Variants in VEPH1 observed in about 807,000 individuals in gnomAD.
VEPH1 encodes ventricular zone-expressed PH domain-containing protein homolog 1.
In VEPH1, 80 loss-of-function variants were observed where a neutral mutation model predicts 85.2. That is an observed-to-expected ratio of 0.94 (90% CI 0.78 to 1.13). The LOEUF (loss-of-function observed/expected upper bound fraction) is 1.13, where lower values mean the gene tolerates loss of function less well. Among genes scored for constraint, VEPH1 ranks in the 50% most tolerant of loss-of-function variants. VEPH1 has a pLI of 0.00. For missense variants in VEPH1, 955 were observed against 980.5 expected, an observed-to-expected ratio of 0.97 and a Z score of 0.35; for synonymous variants, 297 against 348.0, an observed-to-expected ratio of 0.85 and a Z score of 1.63.
intron 12 of VEPH1, 23 bp downstream of exon 12, chr3:157,286,534 A>C (rs4680353): frequency 0.5 from 789,961 of 1,591,938 alleles, 200,780 homozygotes; most frequent in Admixed American, 0.62. Context: ...AATGGTTCTT[A>C]GCAGCAGGTA....
rs140140419 is a variant in VEPH1 at position 157,448,689 on chromosome 3, C to T, written c.529+11492G>A. Among the ~76,000 whole-genome samples, 328 of 152,268 alleles carry T rather than the reference C, an allele frequency of 2.2e-3. 2 individuals carry two copies. The highest frequency in any genetic ancestry group is 6.8e-3 in the Middle Eastern group (2 of 294). ...CAAAGAACAAGTTTGGAGACTTATT[C>T]GGGAGCACTGGAAAACAACTTTCTT... On this transcript the variant is annotated intron_variant, in intron 4 of 13. Coordinates refer to ENST00000362010, the MANE Select transcript of VEPH1 (RefSeq NM_001167912.2).
intron 6 of VEPH1, among the ~76,000 whole-genome samples, chr3:157,399,203 A>G (rs1428433004): frequency 2.6e-5 from 4 of 152,220 alleles, no homozygotes; most frequent in Admixed American, 2.0e-4. Context: ...TTGAGAATTG[A>G]TAATGGTTGG....
At chr3:157,334,698 C>T (rs1412438507) in intron 9 of VEPH1, among the ~76,000 whole-genome samples, 1 of 152,088 alleles carries the variant, frequency 6.6e-6, no homozygotes, top group Non-Finnish European at 1.5e-5. Context: ...AAGAGCAATC[C>T]ATGATCAAGT....
chr3:157,454,457 T>G (rs1045125533), intron 4 of VEPH1, among the ~76,000 whole-genome samples: 2 of 152,184 alleles, frequency 1.3e-5, no homozygotes, highest in African/African-American at 4.8e-5. Flanking sequence ...ACAATGAGCT[T>G]AAGTTAGGAA....
intron 9 of VEPH1, among the ~76,000 whole-genome samples, chr3:157,337,118 T>C (rs1385431328): frequency 6.6e-6 from 1 of 150,710 alleles, no homozygotes; most frequent in Non-Finnish European, 1.5e-5. Flanking sequence ...TATATTTATA[T>C]ATGTATATAA....
chr3:157,402,249 C>T lies in VEPH1; in HGVS notation c.906+11632G>A, dbSNP rs113453710. On this transcript the variant is annotated intron_variant, in intron 6 of 13. Transcript: ENST00000362010. ...CTGTTGCCCCTCTATCACTCTCTTA[C>T]CCCCTAGCTTTATTTTGTATTTACT... Among the ~76,000 whole-genome samples the T allele has an allele frequency of 7.9e-5, 12 of 152,258 alleles. 1 individual carries two copies. Among genetic ancestry groups the T allele is most frequent in the South Asian group, 4.1e-4 (2 of 4,826 alleles).
intron 9 of VEPH1, among the ~76,000 whole-genome samples, chr3:157,330,739 A>G (rs1559964886): frequency 2.0e-5 from 3 of 152,274 alleles, no homozygotes; most frequent in East Asian, 3.9e-4. Context: ...CTCGCCACCT[A>G]TCAAGAGCAG....
At chr3:157,381,991 A>C (rs1281683308) in intron 6 of VEPH1, among the ~76,000 whole-genome samples, 1 of 152,098 alleles carries the variant, frequency 6.6e-6, no homozygotes, top group Non-Finnish European at 1.5e-5. Flanking sequence ...TCTCACAACT[A>C]TGTGAGCTGC....
Position 157,312,434 on chromosome 3 carries a change from T to C in VEPH1, c.2010+1187A>G, listed in dbSNP as rs1720208040. On this transcript the variant is annotated intron_variant, in intron 11 of 13. Coordinates refer to ENST00000362010, the MANE Select transcript of VEPH1 (RefSeq NM_001167912.2). ...CTAGCTTGTGACTCCCAAATCCATATCTCCAGTCATGGCTTTCTTCCTGAA... is the reference window on the plus strand; with the variant it reads ...CTAGCTTGTGACTCCCAAATCCATACCTCCAGTCATGGCTTTCTTCCTGAA... Among the ~76,000 whole-genome samples the C allele has an allele frequency of 1.3e-5, 2 of 151,924 alleles. 1 individual carries two copies. Among genetic ancestry groups the C allele is most frequent in the African/African-American group, 4.8e-5 (2 of 41,324 alleles).
chr3:157,264,267 G>A (rs925472108), intron 13 of VEPH1, among the ~76,000 whole-genome samples: 7 of 152,204 alleles, frequency 4.6e-5, no homozygotes, highest in African/African-American at 1.7e-4. Context: ...GCCATACCCA[G>A]GTTCTCAGGC....
intron 6 of VEPH1, among the ~76,000 whole-genome samples, chr3:157,405,990 A>G (rs1731111293): frequency 6.6e-6 from 1 of 152,202 alleles, no homozygotes. Context: ...ATTTGAAAGT[A>G]TATTTTGTAT....
intron 9 of VEPH1, among the ~76,000 whole-genome samples, chr3:157,351,174 G>A (rs190386080): frequency 2.0e-5 from 3 of 152,226 alleles, no homozygotes; most frequent in Admixed American, 6.5e-5. Context: ...GGCCAGGTGA[G>A]GTGGCTCATG....
intron 4 of VEPH1, among the ~76,000 whole-genome samples, chr3:157,454,323 G>T (rs12634412): frequency 0.17 from 26,040 of 152,122 alleles, 2,860 homozygotes; most frequent in East Asian, 0.38. Context: ...TCTTTAGAGG[G>T]AAGCACAGGT....
intron 2 of VEPH1, among the ~76,000 whole-genome samples, chr3:157,481,240 C>A (rs796814232): frequency 6.6e-6 from 1 of 151,840 alleles, no homozygotes; most frequent in South Asian, 2.1e-4. Context: ...CTCCCATTCT[C>A]TAGGTTATCT....
intron 12 of VEPH1, among the ~76,000 whole-genome samples, chr3:157,272,371 TTTCTTTTC>T (rs1468089708): frequency 1.5e-4 from 18 of 117,168 alleles, no homozygotes; most frequent in African/African-American, 6.5e-4. Context: ...TTTCTTTCTC[TTTCTTTTC>T]TTTCTTTCTT....
rs543400952 is a variant in VEPH1, at chr3:157,418,864, A to G, written c.697-4774T>C. Among the ~76,000 whole-genome samples the G allele has an allele frequency of 6.6e-5, 10 of 152,328 alleles. No individual in the cohort carries two copies. The South Asian group carries it at 2.1e-3, about 32-fold the overall frequency. On this transcript the variant is annotated intron_variant, in intron 5 of 13. Coordinates refer to ENST00000362010, the MANE Select transcript of VEPH1 (RefSeq NM_001167912.2). The stretch of plus-strand genomic sequence containing the variant: ...TCATTTGGAACCAAAGAAGAGCCCA[A>G]ATAGCCAAGACGATCCTAAGCAAAA...
At chr3:157,284,653 G>T (rs78270138) in intron 12 of VEPH1, among the ~76,000 whole-genome samples, 5,594 of 141,170 alleles carry the variant, frequency 0.04, 150 homozygotes, top group South Asian at 0.12. Flanking sequence ...TATCCAGGGA[G>T]TCAAGGGTTT....
Position 157,284,348 on chromosome 3 carries a change from T to C in VEPH1, c.2128+2209A>G, listed in dbSNP as rs1008083679. Among the ~76,000 whole-genome samples, 6 of 152,322 alleles carry C rather than the reference T, an allele frequency of 3.9e-5. 1 individual carries two copies. Among genetic ancestry groups the C allele is most frequent in the Admixed American group, 3.9e-4 (6 of 15,298 alleles). On this transcript the variant is annotated intron_variant, in intron 12 of 13. Transcript: ENST00000362010. Reference sequence around the variant, plus strand: ...TTTAGAGCAGAGACACTGTACCTTATTCATATTTCTATCCCAAGGGTCAGC... The same window carrying C: ...TTTAGAGCAGAGACACTGTACCTTACTCATATTTCTATCCCAAGGGTCAGC...
intron 13 of VEPH1, 132 bp downstream of exon 13, chr3:157,265,393 TA>T: frequency 1.0e-6 from 1 of 1,003,764 alleles, no homozygotes; most frequent in Non-Finnish European, 1.4e-6. Flanking sequence ...AAATGTGTGA[TA>T]AAACAATGCT....
Sources: gnomAD v4.1 joint callset for allele counts (sites outside exome capture counted in the v4.1 genomes callset) on GRCh38, gnomAD v4.1.1 for gene constraint, MANE v1.5 for transcripts, NCBI Gene and HGNC (gene_info 2026-07-23, HGNC 2026-07-21) for gene names.